ATOH8: variants seen among roughly 807,000 people sequenced by gnomAD.
ATOH8 encodes the protein transcription factor ATOH8.
ATOH8 carries 9 observed loss-of-function variants against 21.2 expected under a neutral mutation model. The ratio of observed to expected loss-of-function variants is 0.42; its 90% CI spans 0.26 to 0.74. The LOEUF (loss-of-function observed/expected upper bound fraction) is 0.74, where lower values mean the gene tolerates loss of function less well. Among genes scored for constraint, ATOH8 ranks in the 30% least tolerant of loss-of-function variants. ATOH8 has a pLI of 0.24. For synonymous variants in ATOH8, 253 were observed against 224.0 expected (o/e 1.13, Z -1.16); for missense variants, 524 against 470.9 (o/e 1.11, Z -1.04).
chr2:85,771,134 C>A (rs1292304372), intron 2 of ATOH8, among the ~76,000 whole-genome samples: 1 of 152,156 alleles, frequency 6.6e-6, no homozygotes, highest in Non-Finnish European at 1.5e-5. Context: ...CTTTCTGGTG[C>A]TCTGTAGTGC....
chr2:85,758,568 T>G (rs1386126818), intron 1 of ATOH8, among the ~76,000 whole-genome samples: 1 of 152,238 alleles, frequency 6.6e-6, no homozygotes, highest in Non-Finnish European at 1.5e-5. Flanking sequence ...CCATCTACCC[T>G]CAGCATGAGG....
In ATOH8 at chr2:85,766,511, A is replaced by T. The variant is rs1466711708; in HGVS notation, c.960+2329A>T. On this transcript the variant is annotated intron_variant, in intron 2 of 2. Coordinates refer to ENST00000306279, the MANE Select transcript of ATOH8 (RefSeq NM_032827.7). The surrounding 1 kb of genome is among the most constrained non-coding windows in gnomAD (Gnocchi z 4.0). The stretch of plus-strand genomic sequence containing the variant: ...TCATATGTGTGGTGACACATTTCTC[A>T]TATGAAACCACTCAGGAAGCCCTGG... 2.6e-5 allele frequency among the ~76,000 whole-genome samples: 4 copies of T among 152,040 alleles called. No individual in the cohort carries two copies. Among genetic ancestry groups the T allele is most frequent in the African/African-American group, 9.7e-5 (4 of 41,384 alleles).
intron 2 of ATOH8, chr2:85,775,122 G>A: frequency 1.1e-6 from 1 of 926,166 alleles, no homozygotes; most frequent in Non-Finnish European, 1.3e-6. Flanking sequence ...TTTTTAGGTG[G>A]TATGCTATGT....
chr2:85,765,399 C>T lies in ATOH8; in HGVS notation c.960+1217C>T, dbSNP rs148337651. ...AGGGTCACGACACCTTCTCAGGGCT[C>T]CCCGCTGCCGCTGCCACGGTAACTG... On this transcript the variant is annotated intron_variant, in intron 2 of 2. Transcript: ENST00000306279. 5.8e-4 allele frequency among the ~76,000 whole-genome samples: 88 copies of T among 152,366 alleles called. 1 individual carries two copies. The East Asian group carries it at 0.015, about 27-fold the overall frequency.
chr2:85,773,040 G>A, intron 2 of ATOH8: 3 of 359,564 alleles, frequency 8.3e-6, no homozygotes, highest in Non-Finnish European at 1.1e-5. Context: ...GCATCTCAGT[G>A]TTGAGGCTCA....
At position 85,754,640 on chromosome 2, in the gene ATOH8, C is replaced by A; in HGVS notation, c.451C>A (p.Arg151Ser). 6.6e-7 allele frequency: 1 copy of A among 1,515,670 alleles called. No homozygotes were observed. Among genetic ancestry groups the A allele is most frequent in the Non-Finnish European group, 8.8e-7 (1 of 1,136,160 alleles). The allele number at this position is 1,515,670 out of a possible 1,614,324, so 93.9% of individuals were successfully genotyped here. Residue 151 changes from arginine (R) to serine (S), a missense_variant, in exon 1 of 3, where the codon CGT becomes AGT. Arg to Ser is a moderately radical substitution (Grantham distance 110, BLOSUM62 -1). Coordinates refer to ENST00000306279, the MANE Select transcript of ATOH8 (RefSeq NM_032827.7). The part of the protein sequence containing the change: ...EAQPFREPGL[R>S]PRILLCAPPA... ...ACAGCCTTTCCGGGAGCCGGGTCTGCGTCCTCGCATCTTGCTGTGCGCACC... is the reference window on the plus strand; with the variant it reads ...ACAGCCTTTCCGGGAGCCGGGTCTGAGTCCTCGCATCTTGCTGTGCGCACC...
At chr2:85,763,960 T>A in intron 1 of ATOH8, 31 bp from the exon 2 acceptor site, 1 of 1,603,624 alleles carries the variant, frequency 6.2e-7, no homozygotes, top group Non-Finnish European at 8.5e-7. Flanking sequence ...ACTGCGCCCC[T>A]GCAGCCCCTC....
rs552891913 is a variant in ATOH8, at chr2:85,790,137, T to C, written c.*3247T>C. ...CTCATGGGGCCCTGTGAAAGCACTT[T>C]GCAGTCCAGCCTTGGGTTTGTGGTC... On this transcript the variant is annotated 3_prime_UTR_variant, in exon 3 of 3. Transcript: ENST00000306279. Among the ~76,000 whole-genome samples the C allele has an allele frequency of 2.0e-5, 3 of 152,238 alleles. No homozygotes were observed. The highest frequency in any genetic ancestry group is 4.4e-5 in the Non-Finnish European group (3 of 68,036).
intron 2 of ATOH8, chr2:85,780,515 C>G (rs1482062377): frequency 6.6e-6 from 1 of 152,328 alleles, no homozygotes; most frequent in African/African-American, 2.4e-5. Context: ...ACGGCTGAGG[C>G]CTGTGCCAGT....
At chr2:85,786,108 G>A (rs1240084198) in intron 2 of ATOH8, among the ~76,000 whole-genome samples, 5 of 152,210 alleles carry the variant, frequency 3.3e-5, no homozygotes, top group Non-Finnish European at 5.9e-5. Flanking sequence ...GATCAGGGCT[G>A]CAGGGAACTT....
rs1558605630 is a variant in ATOH8 at position 85,754,697 on chromosome 2, GC to G, written c.509del (p.Ala170AspfsTer29). The G allele has an allele frequency of 6.2e-7, 1 of 1,606,352 alleles. No homozygotes were observed. Among genetic ancestry groups the G allele is most frequent in the Non-Finnish European group, 8.5e-7 (1 of 1,176,892 alleles). The stretch of plus-strand genomic sequence containing the variant: ...GCGCCCCGCGCCGTCAGCACCCCCA[GC>G]ACCGCCAGCGCCCCCGGAGTCCACT... ...PARPAPSAPP[A>X]PPAPPESTVR... On this transcript the variant is annotated frameshift_variant, in exon 1 of 3. Coordinates refer to ENST00000306279, the MANE Select transcript of ATOH8 (RefSeq NM_032827.7). LOFTEE classifies it high-confidence loss of function.
chr2:85,779,389 G>GCA (rs1680423255), intron 2 of ATOH8, among the ~76,000 whole-genome samples: 2 of 152,250 alleles, frequency 1.3e-5, no homozygotes, highest in Non-Finnish European at 1.5e-5. Context: ...AGACACACAG[G>GCA]CAGAGCATGG....
At chr2:85,764,949 C>G (rs889778888) in intron 2 of ATOH8, among the ~76,000 whole-genome samples, 1 of 152,070 alleles carries the variant, frequency 6.6e-6, no homozygotes, top group African/African-American at 2.4e-5. Flanking sequence ...AAGGAGGGAA[C>G]AGCATCTGAG....
rs777594510 is a variant in ATOH8 at position 85,754,237 on chromosome 2, C to T, written c.48C>T (p.Cys16=). The change falls in exon 1 of 3, where the codon TGC becomes TGT. Residue 16 remains cysteine (C), a synonymous_variant. Transcript: ENST00000306279. The part of the protein sequence containing the change: ...VLEDGPWKTV[C]VKELNGLKKL... ...AGGACGGGCCGTGGAAGACCGTGTG[C>T]GTGAAGGAGCTGAACGGCCTTAAGA... The T allele has an allele frequency of 2.5e-6, 4 of 1,608,134 alleles. No individual in the cohort carries two copies. In the Admixed American group the frequency reaches 5.0e-5, roughly 20 times the overall value.
At chr2:85,773,066 T>C in intron 2 of ATOH8, 1 of 356,284 alleles carries the variant, frequency 2.8e-6, no homozygotes, top group Non-Finnish European at 5.5e-6. Flanking sequence ...GGCAGCGCCA[T>C]GGCAGAGTCA....
In ATOH8 at chr2:85,754,756, A is replaced by C; in HGVS notation, c.567A>C (p.Glu189Asp). 1 of 1,612,788 alleles carries C rather than the reference A, an allele frequency of 6.2e-7. No homozygotes were observed. Among genetic ancestry groups the C allele is most frequent in the Non-Finnish European group, 8.5e-7 (1 of 1,179,802 alleles). ...VRPAPPTRPGESSYSSISHVI... is the reference protein window; with the variant it reads ...VRPAPPTRPGDSSYSSISHVI... The stretch of plus-strand genomic sequence containing the variant: ...CTGCGCCCCCGACGCGCCCCGGGGA[A>C]AGTTCCTACTCGTCAATTTCACACG... Residue 189 changes from glutamate to aspartate, a missense_variant, in exon 1 of 3, where the codon GAA becomes GAC. Transcript: ENST00000306279.
At chr2:85,760,283 A>G (rs1367484489) in intron 1 of ATOH8, among the ~76,000 whole-genome samples, 1 of 152,086 alleles carries the variant, frequency 6.6e-6, no homozygotes, top group Non-Finnish European at 1.5e-5. Context: ...GGAGCCAGGT[A>G]ATTCTGCCTC....
At chr2:85,780,991 G>A in intron 2 of ATOH8, 1 of 987,988 alleles carries the variant, frequency 1.0e-6, no homozygotes, top group Non-Finnish European at 1.2e-6. Flanking sequence ...GAGGCCAGAA[G>A]CCCAGGCTTT....
At chr2:85,769,502 T>C (rs188299036) in intron 2 of ATOH8, among the ~76,000 whole-genome samples, 2 of 152,350 alleles carry the variant, frequency 1.3e-5, no homozygotes, top group Admixed American at 1.3e-4. Context: ...ATTAAGCCAG[T>C]GCAGCTTCAT....
Sources: allele counts gnomAD v4.1 joint callset (sites outside exome capture counted in the v4.1 genomes callset), GRCh38; gene constraint gnomAD v4.1.1; non-coding constraint Gnocchi (gnomAD v3.1); transcripts MANE v1.5; gene names NCBI Gene and HGNC (gene_info 2026-07-23, HGNC 2026-07-21).